The following PDE10A variants were observed in gnomAD, a reference collection of about 807,000 sequenced individuals.
The protein encoded by PDE10A is cAMP and cAMP-inhibited cGMP 3',5'-cyclic phosphodiesterase 10A.
Under a neutral mutation model 97.7 loss-of-function variants are expected in PDE10A, and 39 were observed. The ratio of observed to expected loss-of-function variants is 0.40; its 90% CI spans 0.31 to 0.52. PDE10A has a LOEUF of 0.52. Among genes scored for constraint, PDE10A ranks in the 20% least tolerant of loss-of-function variants. PDE10A has a pLI of 0.56. For synonymous variants in PDE10A, 371 were observed against 376.8 expected (o/e 0.98, Z 0.18); for missense variants, 731 against 1,047.8 (o/e 0.70, Z 4.17).
chr6:165,598,392 GAAGA>G lies in PDE10A; in HGVS notation c.866-54828_866-54825del, dbSNP rs560658586. Among the ~76,000 whole-genome samples the G allele has an allele frequency of 1.4e-3, 220 of 152,294 alleles. 2 individuals carry two copies. In the East Asian group the frequency reaches 0.02, roughly 14 times the overall value. On this transcript the variant is annotated intron_variant, in intron 1 of 21. Transcript: ENST00000539869. Reference sequence around the variant, plus strand: ...ATTGTCAAGATTTCTTTCAAAAAGAGAAGAAAGGAAAGGCATTTTTAGCAAAACT... The same window carrying G: ...ATTGTCAAGATTTCTTTCAAAAAGAGAAGGAAAGGCATTTTTAGCAAAACT...
At chr6:165,581,335 G>A (rs1228343677) in intron 1 of PDE10A, among the ~76,000 whole-genome samples, 1 of 152,208 alleles carries the variant, frequency 6.6e-6, no homozygotes. Context: ...GGGTCCTTGG[G>A]AGGTAATTAG....
chr6:165,701,786 T>G (rs536137823), intron 1 of PDE10A, among the ~76,000 whole-genome samples: 1 of 151,682 alleles, frequency 6.6e-6, no homozygotes, highest in Non-Finnish European at 1.5e-5. Flanking sequence ...CGTGTGTGTG[T>G]GTGCATGTGT....
At chr6:165,397,683 C>CA (rs1786278102) in intron 13 of PDE10A, among the ~76,000 whole-genome samples, 1 of 99,106 alleles carries the variant, frequency 1.0e-5, no homozygotes, top group Non-Finnish European at 1.9e-5. Flanking sequence ...GCCTGGGCGA[C>CA]AACGGTGAAA....
chr6:165,762,692 ACTTTT>A (rs75302521), intron 1 of PDE10A, among the ~76,000 whole-genome samples: 21,352 of 152,124 alleles, frequency 0.14, 2,301 homozygotes, highest in African/African-American at 0.3. Context: ...AATTTTGTCT[ACTTTT>A]CTTTTCTTAT....
Position 165,395,376 on chromosome 6 carries a change from C to CAGCCATCCCTTTTCCTGCCTTCTT in PDE10A, c.2220-136_2220-113dup. On this transcript the variant is annotated intron_variant, in intron 14 of 21. Transcript: ENST00000539869. ...AGGAGCTAAAAAGACACTGGGAGCT[C>CAGCCATCCCTTTTCCTGCCTTCTT]AGCCATCCCTTTTCCTGCCTTCTTA... 3 of 660,874 alleles carry CAGCCATCCCTTTTCCTGCCTTCTT rather than the reference C, an allele frequency of 4.5e-6. 1 individual carries two copies. In the South Asian group the frequency reaches 5.9e-5, roughly 13 times the overall value. 40.9% of individuals were successfully genotyped at this position (660,874 alleles called of 1,614,324 possible).
intron 3 of PDE10A, among the ~76,000 whole-genome samples, chr6:165,466,104 A>T (rs1432981547): frequency 6.6e-6 from 1 of 152,222 alleles, no homozygotes; most frequent in Non-Finnish European, 1.5e-5. Flanking sequence ...TAATTTGAAA[A>T]CACATCATTA....
At chr6:165,469,679 T>C (rs951589939) in intron 3 of PDE10A, among the ~76,000 whole-genome samples, 18 of 152,142 alleles carry the variant, frequency 1.2e-4, no homozygotes, top group African/African-American at 4.1e-4. Flanking sequence ...TGGTTTTCCA[T>C]CTGGGTGAGA....
Position 165,388,189 on chromosome 6 carries a change from G to T in PDE10A, c.2610+109C>A. 1.2e-6 allele frequency: 1 copy of T among 866,742 alleles called. No individual in the cohort carries two copies. The highest frequency in any genetic ancestry group is 1.8e-6 in the Non-Finnish European group (1 of 544,902). The allele number at this position is 866,742 out of a possible 1,614,324, so 53.7% of individuals were successfully genotyped here. ...ATATAAGGTTCTACAATAAAAAGTA[G>T]CTGTTGCTTTTAAGGAAGCCATAAT... On this transcript the variant is annotated intron_variant, in intron 17 of 21. Transcript: ENST00000539869. This position sits in a 1 kb window ranked among gnomAD's most constrained non-coding sequence, Gnocchi z 4.0.
intron 1 of PDE10A, among the ~76,000 whole-genome samples, chr6:165,901,485 C>G (rs1371031965): frequency 6.6e-6 from 1 of 152,222 alleles, no homozygotes; most frequent in Non-Finnish European, 1.5e-5. Context: ...TGCCTCTCAT[C>G]TGGCTGCTCA....
chr6:165,397,570 G>A (rs983995515), intron 13 of PDE10A, among the ~76,000 whole-genome samples: 2 of 151,828 alleles, frequency 1.3e-5, no homozygotes, highest in African/African-American at 4.8e-5. Context: ...AATCAGCTGG[G>A]TGCACGCCTG....
chr6:165,849,759 C>A (rs372466378), intron 1 of PDE10A, among the ~76,000 whole-genome samples: 1 of 151,800 alleles, frequency 6.6e-6, no homozygotes, highest in Non-Finnish European at 1.5e-5. Flanking sequence ...CCAGATGGGG[C>A]GGGGATTTTT....
In PDE10A at chr6:165,333,013, G is replaced by A; in HGVS notation, c.*12C>T. ...ATCTGTAGGTGGGACAGCGTGTCAG[G>A]GTGACCAGTGCTCAATCTTCAGATG... On this transcript the variant is annotated 3_prime_UTR_variant, in exon 22 of 22. Transcript: ENST00000539869. 6.6e-7 allele frequency: 1 copy of A among 1,525,970 alleles called. No individual in the cohort carries two copies. 94.5% of individuals were successfully genotyped at this position (1,525,970 alleles called of 1,614,324 possible).
At chr6:165,930,503 C>T (rs894061100) in intron 1 of PDE10A, among the ~76,000 whole-genome samples, 2 of 152,162 alleles carry the variant, frequency 1.3e-5, no homozygotes, top group African/African-American at 4.8e-5. Context: ...TGTTGTTTCC[C>T]TGCTGAATTC....
At chr6:165,548,261 C>A (rs1359139205) in intron 1 of PDE10A, among the ~76,000 whole-genome samples, 1 of 147,986 alleles carries the variant, frequency 6.8e-6, no homozygotes, top group Non-Finnish European at 1.5e-5. Flanking sequence ...TCAAAAATAT[C>A]CAGGCTTTAA....
chr6:165,666,852 T>C (rs975624265), upstream of PDE10A, among the ~76,000 whole-genome samples: 1 of 152,250 alleles, frequency 6.6e-6, no homozygotes, highest in Non-Finnish European at 1.5e-5. Context: ...GACAGCTCCA[T>C]TTTAAACAGC....
chr6:165,878,766 G>A (rs1015489784), intron 1 of PDE10A, among the ~76,000 whole-genome samples: 1 of 152,160 alleles, frequency 6.6e-6, no homozygotes, highest in African/African-American at 2.4e-5. Context: ...GGGTCACATC[G>A]GTCAAGGCAG....
chr6:165,605,345 AT>A (rs1787156930), intron 1 of PDE10A, among the ~76,000 whole-genome samples: 1 of 152,234 alleles, frequency 6.6e-6, no homozygotes, highest in African/African-American at 2.4e-5. Context: ...GTGCAGTCGC[AT>A]TCAGGGGGCT....
chr6:165,502,320 A>T (rs1583419691), intron 2 of PDE10A, among the ~76,000 whole-genome samples: 1 of 152,212 alleles, frequency 6.6e-6, no homozygotes, highest in Non-Finnish European at 1.5e-5. Flanking sequence ...TTAAGAAAAT[A>T]AAAGCCACAG....
Position 165,508,545 on chromosome 6 carries a change from C to T in PDE10A, c.995-26202G>A, listed in dbSNP as rs577757208. On this transcript the variant is annotated intron_variant, in intron 2 of 21. Coordinates refer to ENST00000539869, the MANE Select transcript of PDE10A (RefSeq NM_001385079.1). ...GGCTTTCATTTATCTTCAGTAAATA[C>T]CTTAGAGAGGAATGAATGGGGCTCA... 7.2e-5 allele frequency among the ~76,000 whole-genome samples: 11 copies of T among 151,944 alleles called. No homozygotes were observed. In the South Asian group the frequency reaches 1.5e-3, roughly 20 times the overall value.
Sources: gnomAD v4.1 joint callset for allele counts (sites outside exome capture counted in the v4.1 genomes callset) on GRCh38, gnomAD v4.1.1 for gene constraint, Gnocchi (gnomAD v3.1) non-coding constraint, MANE v1.5 for transcripts, NCBI Gene and HGNC (gene_info 2026-07-23, HGNC 2026-07-21) for gene names.